The following OPCML variants were observed in gnomAD, a reference collection of about 807,000 sequenced individuals.
The protein encoded by OPCML is opioid-binding protein/cell adhesion molecule.
OPCML carries 13 observed loss-of-function variants against 37.8 expected under a neutral mutation model. The ratio of observed to expected loss-of-function variants is 0.34; its 90% CI spans 0.22 to 0.55. The LOEUF is 0.55. Among genes scored for constraint, OPCML ranks in the 20% least tolerant of loss-of-function variants. OPCML has a pLI of 0.91. For missense variants in OPCML, 341 were observed against 435.6 expected (o/e 0.78, Z 1.93); for synonymous variants, 176 against 168.8 (o/e 1.04, Z -0.33).
chr11:132,567,445 G>A (rs972246671), intron 3 of OPCML, among the ~76,000 whole-genome samples: 1 of 152,130 alleles, frequency 6.6e-6, no homozygotes, highest in African/African-American at 2.4e-5. Context: ...AGGGGATCCG[G>A]GAGAGAGGTG....
At chr11:133,306,775 G>T (rs191806546) in intron 1 of OPCML, among the ~76,000 whole-genome samples, 13 of 152,280 alleles carry the variant, frequency 8.5e-5, no homozygotes, top group Admixed American at 7.2e-4. Flanking sequence ...ACAAATTGAT[G>T]TGGTTCATAA....
chr11:133,320,569 C>T (rs1943305158), intron 1 of OPCML, among the ~76,000 whole-genome samples: 2 of 147,774 alleles, frequency 1.4e-5, no homozygotes, highest in Non-Finnish European at 3.0e-5. Context: ...CTCTTATCAC[C>T]ACCTCCCCTT....
intron 2 of OPCML, among the ~76,000 whole-genome samples, chr11:132,714,659 G>T (rs1248103756): frequency 6.6e-6 from 1 of 152,192 alleles, no homozygotes; most frequent in Non-Finnish European, 1.5e-5. Flanking sequence ...CAGGCCGAGA[G>T]CACTGGCTTA....
chr11:132,732,101 T>C (rs893776720), intron 2 of OPCML, among the ~76,000 whole-genome samples: 1 of 152,168 alleles, frequency 6.6e-6, no homozygotes, highest in Non-Finnish European at 1.5e-5. Flanking sequence ...TGGGGATGTA[T>C]GGTGAGACAG....
chr11:132,520,674 ATGTGTGTGTGTG>A (rs1555144701), intron 4 of OPCML, among the ~76,000 whole-genome samples: 1 of 128,020 alleles, frequency 7.8e-6, no homozygotes, highest in African/African-American at 2.9e-5. Flanking sequence ...CTAAATATAT[ATGTGTGTGTGTG>A]TGTGTGTGTG....
rs1204581456 is a variant in OPCML at position 133,240,639 on chromosome 11, A to G, written c.61+291625T>C. On this transcript the variant is annotated intron_variant, in intron 1 of 7. Coordinates refer to ENST00000524381, the MANE Select transcript of OPCML (RefSeq NM_001012393.5). ...CTCTTTTACATGTCTTTGTCTAAAC[A>G]CTGACCTTGCCCCATGACTTTACTT... Among the ~76,000 whole-genome samples, 9 of 152,214 alleles carry G rather than the reference A, an allele frequency of 5.9e-5. No individual in the cohort carries two copies. The East Asian group carries it at 1.7e-3, about 29-fold the overall frequency.
At chr11:133,328,414 T>TCC (rs1473369274) in intron 1 of OPCML, among the ~76,000 whole-genome samples, 3 of 152,140 alleles carry the variant, frequency 2.0e-5, no homozygotes, top group Non-Finnish European at 2.9e-5. Context: ...TGCCTCGGCC[T>TCC]CCCAATGGGC....
chr11:133,102,478 G>A (rs1316184427), intron 1 of OPCML, among the ~76,000 whole-genome samples: 1 of 152,220 alleles, frequency 6.6e-6, no homozygotes, highest in African/African-American at 2.4e-5. Context: ...GCCAGGGGCG[G>A]TGGCTCATGC....
At chr11:132,749,519 A>G (rs1206947546) in intron 2 of OPCML, among the ~76,000 whole-genome samples, 2 of 152,164 alleles carry the variant, frequency 1.3e-5, no homozygotes, top group African/African-American at 4.8e-5. Context: ...AACCTGTTAG[A>G]CATTCAAACA....
intron 2 of OPCML, among the ~76,000 whole-genome samples, chr11:132,931,551 A>C (rs975781717): frequency 1.3e-5 from 2 of 152,242 alleles, no homozygotes; most frequent in Admixed American, 1.3e-4. Flanking sequence ...ATGGTCAATA[A>C]GCATATCAAC....
chr11:133,140,615 AGAG>A (rs1418762522), intron 1 of OPCML, among the ~76,000 whole-genome samples: 1 of 147,706 alleles, frequency 6.8e-6, no homozygotes, highest in Non-Finnish European at 1.5e-5. Flanking sequence ...AAAGAGAAGA[AGAG>A]GAAGAGGAAG....
At chr11:133,369,113 A>T (rs867486498) in intron 1 of OPCML, among the ~76,000 whole-genome samples, 2 of 152,244 alleles carry the variant, frequency 1.3e-5, no homozygotes, top group South Asian at 4.1e-4. Context: ...TGGAAAAGCT[A>T]AGTGAACTCC....
chr11:133,021,831 G>A (rs1232802454), intron 1 of OPCML, among the ~76,000 whole-genome samples: 2 of 77,986 alleles, frequency 2.6e-5, no homozygotes, highest in Admixed American at 3.1e-4. Flanking sequence ...TGGCATCAGG[G>A]GACATTTAAG....
chr11:133,178,533 G>T (rs1168972502), intron 1 of OPCML, among the ~76,000 whole-genome samples: 13 of 152,122 alleles, frequency 8.5e-5, no homozygotes, highest in Non-Finnish European at 1.5e-5. Context: ...AGAAGCCTCT[G>T]GGCTCGTTGG....
intron 1 of OPCML, among the ~76,000 whole-genome samples, chr11:132,953,667 T>A (rs1238142160): frequency 1.3e-5 from 2 of 152,146 alleles, no homozygotes; most frequent in Non-Finnish European, 2.9e-5. Flanking sequence ...AGAATGACCA[T>A]GACAGGTGGA....
intron 1 of OPCML, chr11:133,421,390 A>T: frequency 1.0e-6 from 1 of 985,442 alleles, no homozygotes; most frequent in Non-Finnish European, 1.2e-6. Context: ...CGGAGACCAG[A>T]AGAAGAGAAA....
At chr11:132,525,132 A>G (rs555930731) in intron 4 of OPCML, among the ~76,000 whole-genome samples, 43 of 152,166 alleles carry the variant, frequency 2.8e-4, no homozygotes, top group South Asian at 2.1e-3. Context: ...TTTTTCCTTC[A>G]TTATATCTGT....
At chr11:133,337,367 T>C (rs1026329065) in intron 1 of OPCML, among the ~76,000 whole-genome samples, 1 of 152,174 alleles carries the variant, frequency 6.6e-6, no homozygotes, top group Non-Finnish European at 1.5e-5. Context: ...AGTCAACAGA[T>C]GTCTGGTCTT....
At chr11:132,459,460 C>T (rs569101727) in intron 4 of OPCML, among the ~76,000 whole-genome samples, 10 of 147,314 alleles carry the variant, frequency 6.8e-5, no homozygotes, top group African/African-American at 2.5e-4. Flanking sequence ...TATCTACTTC[C>T]TATATATATA....
Sources: gnomAD v4.1 joint callset for allele counts (sites outside exome capture counted in the v4.1 genomes callset) on GRCh38, gnomAD v4.1.1 for gene constraint, MANE v1.5 for transcripts, NCBI Gene and HGNC (gene_info 2026-07-23, HGNC 2026-07-21) for gene names.